Variants in NMNAT3 observed in about 807,000 individuals in gnomAD.
NMNAT3 encodes nicotinamide/nicotinic acid mononucleotide adenylyltransferase 3.
A neutral mutation model predicts 24.8 loss-of-function variants in NMNAT3; 21 were observed. The observed-to-expected ratio is 0.85, with a 90% CI of 0.60 to 1.22. NMNAT3 has a LOEUF of 1.22. Ranked by LOEUF, NMNAT3 falls within the 50% of genes most tolerant of loss-of-function variation. The pLI is 0.00. For synonymous variants in NMNAT3, 136 were observed against 155.2 expected (o/e 0.88, Z 0.92); for missense variants, 387 against 436.6 (o/e 0.89, Z 1.01).
At chr3:139,665,562 G>T (rs2057550275) in intron 1 of NMNAT3, among the ~76,000 whole-genome samples, 1 of 152,176 alleles carries the variant, frequency 6.6e-6, no homozygotes, top group African/African-American at 2.4e-5. Flanking sequence ...TTGAGCTCTT[G>T]AGGAAGGCTT....
At chr3:139,602,278 A>C (rs1055601162) in intron 3 of NMNAT3, among the ~76,000 whole-genome samples, 2 of 152,218 alleles carry the variant, frequency 1.3e-5, no homozygotes, top group African/African-American at 4.8e-5. Flanking sequence ...CATCTGATGG[A>C]GCTGTGGACT....
intron 2 of NMNAT3, among the ~76,000 whole-genome samples, chr3:139,633,189 T>A (rs1244569507): frequency 6.6e-6 from 1 of 151,992 alleles, no homozygotes; most frequent in Non-Finnish European, 1.5e-5. Flanking sequence ...TGATTTTTTT[T>A]TTTTTTTTGA....
chr3:139,566,023 G>C (rs1275270412), intron 6 of NMNAT3: 1 of 152,148 alleles, frequency 6.6e-6, no homozygotes, highest in Non-Finnish European at 1.5e-5. Flanking sequence ...TCCAGCACCT[G>C]TTGTTTCCTG....
intron 1 of NMNAT3, among the ~76,000 whole-genome samples, chr3:139,675,131 A>AAC (rs1397817305): frequency 4.0e-5 from 1 of 25,098 alleles, no homozygotes; most frequent in African/African-American, 1.4e-4. Flanking sequence ...ATTCCTTTTA[A>AAC]ACATACACAC....
Position 139,560,929 on chromosome 3 carries a change from C to A in NMNAT3, c.*81G>T. On this transcript the variant is annotated 3_prime_UTR_variant, in exon 7 of 7. Coordinates refer to ENST00000643695, the MANE Select transcript of NMNAT3 (RefSeq NM_001320510.2). The stretch of plus-strand genomic sequence containing the variant: ...CAAATGAAAAATGGAGAAGCAAAAA[C>A]CAAAGTAAAACAGAAACCTTAACAG... The A allele has an allele frequency of 6.9e-7, 1 of 1,441,474 alleles. No individual in the cohort carries two copies. Among genetic ancestry groups the A allele is most frequent in the Non-Finnish European group, 9.4e-7 (1 of 1,065,396 alleles). The allele number at this position is 1,441,474 out of a possible 1,614,324, so 89.3% of individuals were successfully genotyped here.
intron 3 of NMNAT3, among the ~76,000 whole-genome samples, chr3:139,592,747 T>C (rs1435613489): frequency 1.3e-5 from 2 of 152,000 alleles, no homozygotes; most frequent in African/African-American, 4.8e-5. Context: ...AGAAATAAAA[T>C]CCTTTACAGA....
chr3:139,586,699 A>G (rs919837357), intron 3 of NMNAT3, among the ~76,000 whole-genome samples: 1 of 152,238 alleles, frequency 6.6e-6, no homozygotes, highest in Non-Finnish European at 1.5e-5. Context: ...TGAGAGAGAA[A>G]AGGTTTATTT....
rs10935341 is a variant in NMNAT3 at position 139,677,916 on chromosome 3, G to A, written c.-352C>T. 87,543 of 151,896 alleles carry A rather than the reference G, an allele frequency of 0.58. 25,454 individuals are homozygous for A. The highest frequency in any genetic ancestry group is 0.77 in the East Asian group (3,922 of 5,088). The allele number at this position is 151,896 out of a possible 1,614,324, so 9.4% of individuals were successfully genotyped here. A position where few individuals can be genotyped will look rare whatever the true frequency, so the allele number is the denominator to read the frequency against. On this transcript the variant is annotated 5_prime_UTR_variant, in exon 1 of 7. Transcript: ENST00000643695. ...ATCCCCTAGTACCTGAGCTGGAGGC[G>A]GGGCCAAGGCGAACTTGACCTTGCG...
chr3:139,589,010 G>C (rs1238357787), intron 3 of NMNAT3, among the ~76,000 whole-genome samples: 1 of 152,116 alleles, frequency 6.6e-6, no homozygotes, highest in Non-Finnish European at 1.5e-5. Context: ...TTTAGGGCCT[G>C]ATCTGCAAAC....
intron 5 of NMNAT3, among the ~76,000 whole-genome samples, chr3:139,574,348 T>C (rs1332460789): frequency 6.6e-6 from 1 of 152,248 alleles, no homozygotes; most frequent in Non-Finnish European, 1.5e-5. Flanking sequence ...TGAGGAATTA[T>C]GACAGTGCCC....
chr3:139,641,330 C>T (rs939072745), intron 1 of NMNAT3, among the ~76,000 whole-genome samples: 5 of 152,186 alleles, frequency 3.3e-5, no homozygotes, highest in Non-Finnish European at 5.9e-5. Flanking sequence ...AAAGAACTAA[C>T]GTATTGATCT....
intron 2 of NMNAT3, among the ~76,000 whole-genome samples, chr3:139,634,200 G>A (rs1022046390): frequency 6.6e-6 from 1 of 152,218 alleles, no homozygotes; most frequent in African/African-American, 2.4e-5. Context: ...GTTAAGTGCC[G>A]TCACTGCAGA....
chr3:139,601,684 C>G (rs2054722787), intron 3 of NMNAT3, among the ~76,000 whole-genome samples: 1 of 152,092 alleles, frequency 6.6e-6, no homozygotes, highest in Admixed American at 6.5e-5. Flanking sequence ...GGGAGCCCTG[C>G]TCTCACAGGA....
At position 139,561,146 on chromosome 3, in the gene NMNAT3, G is replaced by T. The variant is rs750542105; in HGVS notation, c.905C>A (p.Ala302Asp). The change falls in exon 7 of 7, where the codon GCC becomes GAC. Residue 302 changes from alanine (A) to aspartate (D), a missense_variant. Physicochemically the swap from Ala to Asp is moderately radical, Grantham distance 126 (BLOSUM62 -2). This residue lies in a region of NMNAT3 where 323 missense variants were observed against 345.2 expected (regional missense o/e 0.94). Coordinates refer to ENST00000643695, the MANE Select transcript of NMNAT3 (RefSeq NM_001320510.2). ...CTTTACGCTCTGCCCTTGGCCCAAG[G>T]CTCGCCTGATGTATGTGGCACTGAT... 1 of 1,614,028 alleles carries T rather than the reference G, an allele frequency of 6.2e-7. No homozygotes were observed. The highest frequency in any genetic ancestry group is 1.3e-5 in the African/African-American group (1 of 74,914).
Position 139,560,948 on chromosome 3 carries a change from T to C in NMNAT3, c.*62A>G. On this transcript the variant is annotated 3_prime_UTR_variant, in exon 7 of 7. Transcript: ENST00000643695. ...CAAAAACCAAAGTAAAACAGAAACC[T>C]TAACAGCCCTCTCCCCAGCAGGAGC... The C allele has an allele frequency of 6.6e-7, 1 of 1,519,660 alleles. No individual in the cohort carries two copies. The highest frequency in any genetic ancestry group is 8.9e-7 in the Non-Finnish European group (1 of 1,127,536). The allele number at this position is 1,519,660 out of a possible 1,614,324, so 94.1% of individuals were successfully genotyped here.
rs966111747 is a variant in NMNAT3 at position 139,611,947 on chromosome 3, C to G, written c.109+15669G>C. 2.6e-5 allele frequency among the ~76,000 whole-genome samples: 4 copies of G among 152,282 alleles called. 1 individual carries two copies. The South Asian group carries it at 8.3e-4, about 32-fold the overall frequency. On this transcript the variant is annotated intron_variant, in intron 3 of 6. Transcript: ENST00000643695. ...CTTTGTGGGGCTGAGGCGGGCGGAT[C>G]ACCGGAGGTCGGGAGTTCGAGACCA... is the stretch of plus-strand genomic sequence containing the variant.
intron 3 of NMNAT3, among the ~76,000 whole-genome samples, chr3:139,601,612 G>A (rs1430666786): frequency 6.6e-6 from 1 of 152,144 alleles, no homozygotes; most frequent in Non-Finnish European, 1.5e-5. Context: ...TTAGCAGACA[G>A]TTTAGCACAC....
intron 1 of NMNAT3, among the ~76,000 whole-genome samples, chr3:139,638,387 C>T (rs1427001518): frequency 1.3e-5 from 2 of 152,224 alleles, no homozygotes; most frequent in Non-Finnish European, 2.9e-5. Flanking sequence ...AAGGCCCCCA[C>T]TCCAGTCTAA....
At chr3:139,613,749 T>C (rs1334709458) in intron 3 of NMNAT3, among the ~76,000 whole-genome samples, 2 of 152,042 alleles carry the variant, frequency 1.3e-5, no homozygotes, top group Non-Finnish European at 2.9e-5. Context: ...TGTCCAACAA[T>C]GATAGACTAG....
Sources: gnomAD v4.1 joint callset for allele counts (sites outside exome capture counted in the v4.1 genomes callset) on GRCh38, gnomAD v4.1.1 for gene constraint, gnomAD v4.1.1 regional missense constraint, MANE v1.5 for transcripts, NCBI Gene and HGNC (gene_info 2026-07-23, HGNC 2026-07-21) for gene names.